The following COL25A1 variants were observed in gnomAD, a reference collection of about 807,000 sequenced individuals.
The protein encoded by COL25A1 is collagen type XXV alpha 1 chain, also known as collagen alpha-1(XXV) chain.
A neutral mutation model predicts 128.4 loss-of-function variants in COL25A1; 103 were observed. That is an observed-to-expected ratio of 0.80 (90% CI 0.68 to 0.94). The LOEUF (loss-of-function observed/expected upper bound fraction) is 0.94. Ranked by LOEUF, COL25A1 falls within the 40% of genes least tolerant of loss-of-function variation. COL25A1 has a pLI of 0.00. For synonymous variants in COL25A1, 279 were observed against 277.2 expected (o/e 1.01, Z -0.06); for missense variants, 745 against 840.0 (o/e 0.89, Z 1.40).
rs76962717 is a variant in COL25A1, at chr4:109,048,225, T to C, written c.413-50A>G. On this transcript the variant is annotated intron_variant, in intron 4 of 37. Coordinates refer to ENST00000399132, the MANE Select transcript of COL25A1 (RefSeq NM_198721.4). ...GAAGAGAGAGAGAGGAGTTAGTGAATATGCAAAATATTAAAATCAAACAAA... is the reference window on the plus strand; with the variant it reads ...GAAGAGAGAGAGAGGAGTTAGTGAACATGCAAAATATTAAAATCAAACAAA... 4,486 of 1,538,378 alleles carry C rather than the reference T, an allele frequency of 2.9e-3. 117 individuals are homozygous for C. The African/African-American group carries it at 0.056, about 19-fold the overall frequency.
chr4:109,061,379 A>G lies in COL25A1; in HGVS notation c.368-11200T>C, dbSNP rs1761960860. 2.0e-5 allele frequency among the ~76,000 whole-genome samples: 3 copies of G among 152,326 alleles called. No individual in the cohort carries two copies. The South Asian group carries it at 6.2e-4, about 32-fold the overall frequency. On this transcript the variant is annotated intron_variant, in intron 3 of 37. Transcript: ENST00000399132. Reference sequence around the variant, plus strand: ...TCAATTTTAATAGAGTTGTTAAGTAAAAGTACAAAATTCTTAAAACTTTAC... The same window carrying G: ...TCAATTTTAATAGAGTTGTTAAGTAGAAGTACAAAATTCTTAAAACTTTAC...
intron 32 of COL25A1, among the ~76,000 whole-genome samples, chr4:108,830,028 A>C (rs899737444): frequency 4.6e-5 from 7 of 152,174 alleles, no homozygotes; most frequent in African/African-American, 1.7e-4. Context: ...CCTCCTTTGA[A>C]TATTTTCTTA....
chr4:109,013,354 A>G (rs1403131020), intron 5 of COL25A1, among the ~76,000 whole-genome samples: 1 of 47,010 alleles, frequency 2.1e-5, no homozygotes, highest in Non-Finnish European at 3.2e-5. Flanking sequence ...CGCACCAATC[A>G]GCACCCTGTC....
chr4:109,078,267 G>A (rs1317417846), intron 3 of COL25A1, among the ~76,000 whole-genome samples: 3 of 152,088 alleles, frequency 2.0e-5, no homozygotes, highest in Admixed American at 1.3e-4. Flanking sequence ...CAGGGATCTT[G>A]GTTCTATTTA....
chr4:108,987,041 C>T (rs1224240602), intron 6 of COL25A1, among the ~76,000 whole-genome samples: 1 of 152,126 alleles, frequency 6.6e-6, no homozygotes, highest in Non-Finnish European at 1.5e-5. Context: ...ACTATTTTCT[C>T]CTCCTTTTGA....
rs563861762 is a variant in COL25A1, at chr4:109,267,980, A to C, written c.367+32603T>G. Among the ~76,000 whole-genome samples the C allele has an allele frequency of 1.3e-4, 20 of 152,264 alleles. No individual in the cohort carries two copies. The East Asian group carries it at 3.7e-3, about 28-fold the overall frequency. On this transcript the variant is annotated intron_variant, in intron 3 of 37. Transcript: ENST00000399132. ...GATCGCTTCATTATTACAAAAAAAA[A>C]TTTGCATTGTAGGAGAAATAATTTG...
At chr4:109,081,209 A>G (rs1763806694) in intron 3 of COL25A1, among the ~76,000 whole-genome samples, 1 of 152,084 alleles carries the variant, frequency 6.6e-6, no homozygotes, top group African/African-American at 2.4e-5. Flanking sequence ...AATCTAATAT[A>G]CCATCATGGC....
chr4:108,999,779 T>C (rs930041227), intron 6 of COL25A1, among the ~76,000 whole-genome samples: 3 of 152,198 alleles, frequency 2.0e-5, no homozygotes, highest in Non-Finnish European at 4.4e-5. Flanking sequence ...TGGAATACTA[T>C]GCAGCCATAA....
intron 3 of COL25A1, among the ~76,000 whole-genome samples, chr4:109,125,691 A>G (rs1361777497): frequency 6.6e-6 from 1 of 152,162 alleles, no homozygotes; most frequent in Admixed American, 6.6e-5. Context: ...AATTTTCAAC[A>G]CATGGAATCT....
chr4:109,188,237 C>T (rs1289905933), intron 3 of COL25A1, among the ~76,000 whole-genome samples: 2 of 152,178 alleles, frequency 1.3e-5, no homozygotes, highest in Non-Finnish European at 2.9e-5. Context: ...CTCTTGGATG[C>T]TCCTCATGCC....
At chr4:109,298,447 C>T (rs912265154) in intron 3 of COL25A1, among the ~76,000 whole-genome samples, 2 of 152,252 alleles carry the variant, frequency 1.3e-5, no homozygotes, top group Admixed American at 1.3e-4. Context: ...CATCTGTCCA[C>T]AGGAACTGAG....
At chr4:109,138,675 T>C (rs1366638270) in intron 3 of COL25A1, among the ~76,000 whole-genome samples, 1 of 151,980 alleles carries the variant, frequency 6.6e-6, no homozygotes. Context: ...TTGGTTGTTG[T>C]TGTTTTTTGT....
At chr4:109,181,996 C>G (rs898341768) in intron 3 of COL25A1, among the ~76,000 whole-genome samples, 14 of 152,036 alleles carry the variant, frequency 9.2e-5, no homozygotes, top group Non-Finnish European at 1.6e-4. Context: ...TAATGTTTTC[C>G]AGGTTCATTT....
intron 3 of COL25A1, among the ~76,000 whole-genome samples, chr4:109,208,165 T>C (rs918958088): frequency 6.6e-6 from 1 of 152,204 alleles, no homozygotes. Flanking sequence ...TTAACAACTC[T>C]GAAATAAGTC....
chr4:109,127,981 T>C (rs1198925089), intron 3 of COL25A1, among the ~76,000 whole-genome samples: 1 of 152,106 alleles, frequency 6.6e-6, no homozygotes. Flanking sequence ...AGGGACGCTC[T>C]TTTTAGGGCC....
chr4:108,983,602 G>T (rs955723931), intron 6 of COL25A1, among the ~76,000 whole-genome samples: 6 of 152,214 alleles, frequency 3.9e-5, no homozygotes, highest in African/African-American at 1.4e-4. Flanking sequence ...GACCCTCGCA[G>T]TGAGTGTTAC....
At chr4:109,262,172 T>G (rs898074303) in intron 3 of COL25A1, among the ~76,000 whole-genome samples, 2 of 152,086 alleles carry the variant, frequency 1.3e-5, no homozygotes, top group African/African-American at 2.4e-5. Flanking sequence ...TCCCACACAT[T>G]TATTTACCTA....
chr4:109,295,822 T>C (rs1724920510), intron 3 of COL25A1, among the ~76,000 whole-genome samples: 2 of 152,098 alleles, frequency 1.3e-5, no homozygotes, highest in Admixed American at 1.3e-4. Flanking sequence ...TGTGAATCGC[T>C]TGCCTACATG....
At chr4:109,029,516 A>G (rs114475320) in intron 5 of COL25A1, among the ~76,000 whole-genome samples, 1,631 of 152,312 alleles carry the variant, frequency 0.011, 30 homozygotes, top group African/African-American at 0.037. Flanking sequence ...ATGGTAGTAT[A>G]TAGTTATAAT....
Sources: allele counts gnomAD v4.1 joint callset (sites outside exome capture counted in the v4.1 genomes callset), GRCh38; gene constraint gnomAD v4.1.1; transcripts MANE v1.5; gene names NCBI Gene and HGNC (gene_info 2026-07-23, HGNC 2026-07-21).